FAM117B: variants seen among roughly 807,000 people sequenced by gnomAD.
The protein encoded by FAM117B is family with sequence similarity 117 member B.
A neutral mutation model predicts 52.8 loss-of-function variants in FAM117B; 22 were observed. That is an observed-to-expected ratio of 0.42 (90% CI 0.30 to 0.59). FAM117B has a LOEUF of 0.59. Among genes scored for constraint, FAM117B ranks in the 20% least tolerant of loss-of-function variants. The probability of loss-of-function intolerance (pLI) is 0.22; values close to 1 mark genes in which losing one functional copy is unlikely to be tolerated. For synonymous variants in FAM117B, 309 were observed against 324.1 expected (o/e 0.95, Z 0.50); for missense variants, 678 against 802.6 (o/e 0.84, Z 1.88).
rs539526373 is a variant in FAM117B at position 202,764,430 on chromosome 2, A to AT, written c.1452-1005dup. 3.1e-4 allele frequency among the ~76,000 whole-genome samples: 46 copies of AT among 146,532 alleles called. 1 individual carries two copies. Among genetic ancestry groups the AT allele is most frequent in the Middle Eastern group, 6.9e-3 (2 of 288 alleles). On this transcript the variant is annotated intron_variant, in intron 7 of 7. Coordinates refer to ENST00000392238, the MANE Select transcript of FAM117B (RefSeq NM_173511.4). Reference sequence around the variant, plus strand: ...CAGGTGCATGCCGTCAGACTAGATTATTTTTTTTTTTAAGGTTTTTATAAA... The same window carrying AT: ...CAGGTGCATGCCGTCAGACTAGATTATTTTTTTTTTTTAAGGTTTTTATAAA...
chr2:202,674,216 A>G (rs889186584), intron 1 of FAM117B, among the ~76,000 whole-genome samples: 5 of 152,198 alleles, frequency 3.3e-5, no homozygotes, highest in African/African-American at 1.2e-4. Flanking sequence ...TCAAGTCTCA[A>G]TTTGATATCA....
At chr2:202,677,317 C>T (rs1234357673) in intron 1 of FAM117B, among the ~76,000 whole-genome samples, 9 of 152,118 alleles carry the variant, frequency 5.9e-5, no homozygotes, top group African/African-American at 1.2e-4. Context: ...CCGCCCGCCT[C>T]GGCCTCCCAA....
At chr2:202,663,457 T>C (rs1033840224) in intron 1 of FAM117B, among the ~76,000 whole-genome samples, 7 of 152,232 alleles carry the variant, frequency 4.6e-5, no homozygotes, top group Non-Finnish European at 8.8e-5. Context: ...TTTTATTTAA[T>C]GGCGAACATT....
chr2:202,712,407 T>C (rs894078876), intron 2 of FAM117B, among the ~76,000 whole-genome samples: 3 of 150,540 alleles, frequency 2.0e-5, no homozygotes, highest in African/African-American at 7.3e-5. Context: ...CCTTGCTGAA[T>C]TTATCAGCTC....
At chr2:202,701,074 A>G (rs915909880) in intron 2 of FAM117B, among the ~76,000 whole-genome samples, 7 of 152,216 alleles carry the variant, frequency 4.6e-5, no homozygotes, top group African/African-American at 1.7e-4. Context: ...AGAGAAGTCA[A>G]TGCCTGACTT....
intron 6 of FAM117B, 87 bp from the exon 7 acceptor site, chr2:202,759,146 A>C: frequency 6.9e-7 from 1 of 1,449,322 alleles, no homozygotes; most frequent in East Asian, 2.3e-5. Flanking sequence ...CCTGCCCTCA[A>C]GTAGTTCATG....
At position 202,635,619 on chromosome 2, in the gene FAM117B, G is replaced by A. The variant is rs1689670227; in HGVS notation, c.432G>A (p.Pro144=). 43 of 1,291,370 alleles carry A rather than the reference G, an allele frequency of 3.3e-5. No individual in the cohort carries two copies. The highest frequency in any genetic ancestry group is 4.0e-5 in the Non-Finnish European group (41 of 1,025,190). The allele number at this position is 1,291,370 out of a possible 1,614,324, so 80.0% of individuals were successfully genotyped here. The change falls in exon 1 of 8, where the codon CCG becomes CCA. Residue 144 remains proline, a synonymous_variant. Coordinates refer to ENST00000392238, the MANE Select transcript of FAM117B (RefSeq NM_173511.4). The part of the protein sequence containing the change: ...RGSPPRPPPP[P]PLLGTVSSPS... ...GCCCCCCACGGCCGCCGCCGCCGCC[G>A]CCGCTGCTGGGCACCGTGTCGTCGC... is the stretch of plus-strand genomic sequence containing the variant.
At chr2:202,670,616 A>G (rs1690284318) in intron 1 of FAM117B, among the ~76,000 whole-genome samples, 1 of 152,150 alleles carries the variant, frequency 6.6e-6, no homozygotes, top group Admixed American at 6.5e-5. Context: ...CTTTGTCTAC[A>G]TAGCAGGGAA....
Position 202,635,229 on chromosome 2 carries a change from C to T in FAM117B, c.42C>T (p.Ala14=). Residue 14 remains alanine (A), a synonymous_variant, in exon 1 of 8, where the codon GCC becomes GCT. Coordinates refer to ENST00000392238, the MANE Select transcript of FAM117B (RefSeq NM_173511.4). ...GGCGCAATGGGTCCCCCACGCCGGCCGGCTCCCTTGGGGGTGGTGCGGTGG... is the reference window on the plus strand; with the variant it reads ...GGCGCAATGGGTCCCCCACGCCGGCTGGCTCCCTTGGGGGTGGTGCGGTGG... ...RVRRNGSPTP[A]GSLGGGAVAT... is the part of the protein sequence containing the mutation. The T allele has an allele frequency of 1.5e-6, 2 of 1,307,182 alleles. No individual in the cohort carries two copies. Among genetic ancestry groups the T allele is most frequent in the Non-Finnish European group, 1.9e-6 (2 of 1,026,596 alleles). The allele number at this position is 1,307,182 out of a possible 1,614,324, so 81.0% of individuals were successfully genotyped here. A position where few individuals can be genotyped will look rare whatever the true frequency, so the allele number is the denominator to read the frequency against.
At chr2:202,660,273 CTG>C (rs1208226851) in intron 1 of FAM117B, among the ~76,000 whole-genome samples, 1 of 151,952 alleles carries the variant, frequency 6.6e-6, no homozygotes, top group Non-Finnish European at 1.5e-5. Context: ...ACTTGAGACT[CTG>C]AGTCCTATTT....
intron 4 of FAM117B, among the ~76,000 whole-genome samples, chr2:202,752,273 G>A (rs1487628925): frequency 6.6e-6 from 1 of 152,150 alleles, no homozygotes; most frequent in African/African-American, 2.4e-5. Flanking sequence ...TCTGTGTCCT[G>A]TGTTACATAT....
intron 1 of FAM117B, among the ~76,000 whole-genome samples, chr2:202,678,429 G>T (rs1690410325): frequency 6.6e-6 from 1 of 152,164 alleles, no homozygotes; most frequent in Non-Finnish European, 1.5e-5. Flanking sequence ...TCCCACCCTA[G>T]CCTCTTAATA....
intron 1 of FAM117B, among the ~76,000 whole-genome samples, chr2:202,656,039 C>A (rs896537388): frequency 2.6e-5 from 4 of 152,056 alleles, no homozygotes; most frequent in Admixed American, 2.6e-4. Flanking sequence ...TGTGGTATTT[C>A]ATTATTCATC....
intron 6 of FAM117B, 65 bp downstream of exon 6, chr2:202,757,503 T>C: frequency 6.7e-7 from 1 of 1,483,344 alleles, no homozygotes; most frequent in African/African-American, 1.4e-5. Context: ...TCATTCATTC[T>C]ATTCATTTTC....
At chr2:202,760,398 G>A (rs192393202) in intron 7 of FAM117B, among the ~76,000 whole-genome samples, 54 of 152,356 alleles carry the variant, frequency 3.5e-4, no homozygotes, top group African/African-American at 1.2e-3. Flanking sequence ...GAACCACTGT[G>A]ATGTGGCATC....
intron 1 of FAM117B, among the ~76,000 whole-genome samples, chr2:202,675,984 C>CAA (rs778502048): frequency 0.11 from 6,405 of 56,370 alleles, 805 homozygotes; most frequent in African/African-American, 0.35. Flanking sequence ...GACACAGTCT[C>CAA]AAAAAAAAAA....
intron 1 of FAM117B, among the ~76,000 whole-genome samples, chr2:202,639,613 T>C (rs191331955): frequency 2.6e-5 from 4 of 152,340 alleles, no homozygotes; most frequent in South Asian, 2.1e-4. Context: ...GGATATACTT[T>C]GGGTAGACAG....
At chr2:202,722,702 A>G (rs1406406617) in intron 2 of FAM117B, among the ~76,000 whole-genome samples, 2 of 152,292 alleles carry the variant, frequency 1.3e-5, no homozygotes, top group Admixed American at 6.5e-5. Context: ...GGAGAGGATC[A>G]GGGAAAATAG....
At chr2:202,762,916 T>C (rs1374396656) in intron 7 of FAM117B, among the ~76,000 whole-genome samples, 1 of 152,070 alleles carries the variant, frequency 6.6e-6, no homozygotes, top group African/African-American at 2.4e-5. Flanking sequence ...GTAAGTCTGT[T>C]TTCATGAAAG....
Sources: allele counts gnomAD v4.1 joint callset (sites outside exome capture counted in the v4.1 genomes callset), GRCh38; gene constraint gnomAD v4.1.1; transcripts MANE v1.5; gene names NCBI Gene and HGNC (gene_info 2026-07-23, HGNC 2026-07-21).